ATP2B2: variants seen among roughly 807,000 people sequenced by gnomAD.
The protein encoded by ATP2B2 is ATPase plasma membrane Ca2+ transporting 2, also known as plasma membrane calcium-transporting ATPase 2.
ATP2B2 carries 15 observed loss-of-function variants against 120.0 expected under a neutral mutation model. That is an observed-to-expected ratio of 0.12 (90% CI 0.08 to 0.19). ATP2B2 has a LOEUF of 0.19. Ranked by LOEUF, ATP2B2 falls within the 10% of genes least tolerant of loss-of-function variation. The pLI is 1.00. For synonymous variants in ATP2B2, 694 were observed against 700.3 expected, an observed-to-expected ratio of 0.99 and a Z score of 0.14; for missense variants, 1,045 against 1,719.8, an observed-to-expected ratio of 0.61 and a Z score of 6.94.
At chr3:10,464,960 C>T (rs13323090) in intron 1 of ATP2B2, among the ~76,000 whole-genome samples, 19,210 of 152,278 alleles carry the variant, frequency 0.13, 2,426 homozygotes, top group African/African-American at 0.33. Context: ...CCACCTCTAC[C>T]CCAGGGATGG....
intron 13 of ATP2B2, among the ~76,000 whole-genome samples, chr3:10,359,388 T>C (rs906006677): frequency 6.6e-6 from 1 of 152,060 alleles, no homozygotes. Flanking sequence ...TGAGAACCAC[T>C]GGGGGCTAGA....
exon 1 of ATP2B2, chr3:10,707,998 CGCTGCG>C (rs977952270): frequency 3.4e-5 from 5 of 147,086 alleles, no homozygotes; most frequent in Admixed American, 6.8e-5. Context: ...GGCCCGGCCC[CGCTGCG>C]GCTGCGGCTC....
chr3:10,612,256 G>A (rs973877429), intron 2 of ATP2B2, among the ~76,000 whole-genome samples: 15 of 152,148 alleles, frequency 9.9e-5, no homozygotes, highest in African/African-American at 2.9e-4. Context: ...CTCACTAACC[G>A]TTCCCACCTT....
In ATP2B2 at chr3:10,694,643, C is replaced by A. The variant is rs55654001; in HGVS notation, c.-460+13272G>T. 4.7e-3 allele frequency among the ~76,000 whole-genome samples: 715 copies of A among 152,306 alleles called. 1 individual carries two copies. Among genetic ancestry groups the A allele is most frequent in the South Asian group, 0.017 (84 of 4,822 alleles). On this transcript the variant is annotated intron_variant, in intron 1 of 21. Coordinates refer to the ATP2B2 transcript ENST00000646379. ...CCAGCAGAGTATATGGCACCTATTTCTTCTCCATTCTCACCAATACTTGAT... is the reference window on the plus strand; with the variant it reads ...CCAGCAGAGTATATGGCACCTATTTATTCTCCATTCTCACCAATACTTGAT...
chr3:10,671,238 A>G (rs2071087441), intron 1 of ATP2B2, among the ~76,000 whole-genome samples: 1 of 152,134 alleles, frequency 6.6e-6, no homozygotes, highest in African/African-American at 2.4e-5. Context: ...AGGTGGTGGT[A>G]AAAGGGGTGG....
chr3:10,388,423 C>T, intron 5 of ATP2B2, 21 bp from the exon 6 acceptor site: 2 of 1,614,062 alleles, frequency 1.2e-6, no homozygotes, highest in South Asian at 2.2e-5. Flanking sequence ...GGACAAAAGC[C>T]AAGTTACCAT....
intron 3 of ATP2B2, among the ~76,000 whole-genome samples, chr3:10,533,026 G>T (rs1286480740): frequency 6.6e-6 from 1 of 152,194 alleles, no homozygotes; most frequent in African/African-American, 2.4e-5. Context: ...CTTGTGCAAC[G>T]TAAGTTGTGT....
At chr3:10,450,887 C>T (rs2064018874) in intron 1 of ATP2B2, among the ~76,000 whole-genome samples, 1 of 152,140 alleles carries the variant, frequency 6.6e-6, no homozygotes, top group Admixed American at 6.5e-5. Flanking sequence ...GACAAAGGGC[C>T]CCAGCTGAGC....
chr3:10,694,935 C>T lies in ATP2B2; in HGVS notation c.-460+12980G>A, dbSNP rs181368649. The stretch of plus-strand genomic sequence containing the variant: ...CTCTATGGCCCTAATTAATGGCTGG[C>T]CTGTATGCAAGCCATTTCCAGTGTG... On this transcript the variant is annotated intron_variant, in intron 1 of 21. Transcript: ENST00000646379. 5.9e-3 allele frequency among the ~76,000 whole-genome samples: 896 copies of T among 151,930 alleles called. 14 individuals carry two copies. Among genetic ancestry groups the T allele is most frequent in the African/African-American group, 0.02 (842 of 41,394 alleles).
At chr3:10,670,356 T>C (rs1043706806) in intron 1 of ATP2B2, among the ~76,000 whole-genome samples, 1 of 152,272 alleles carries the variant, frequency 6.6e-6, no homozygotes, top group African/African-American at 2.4e-5. Flanking sequence ...AAGAACAACA[T>C]TTTTTTTAAC....
intron 2 of ATP2B2, among the ~76,000 whole-genome samples, chr3:10,436,382 C>G (rs1440198253): frequency 6.6e-6 from 1 of 152,198 alleles, no homozygotes; most frequent in Non-Finnish European, 1.5e-5. Context: ...CGCCTCTCGT[C>G]CCAACTCTGT....
intron 2 of ATP2B2, among the ~76,000 whole-genome samples, chr3:10,563,144 G>GTA (rs2067939421): frequency 6.6e-6 from 1 of 152,224 alleles, no homozygotes; most frequent in African/African-American, 2.4e-5. Flanking sequence ...AGGGTTGGCT[G>GTA]TATGCCAGGC....
At chr3:10,698,414 T>A (rs2071771012) in intron 1 of ATP2B2, among the ~76,000 whole-genome samples, 1 of 152,164 alleles carries the variant, frequency 6.6e-6, no homozygotes, top group Admixed American at 6.5e-5. Flanking sequence ...CTAATCCACC[T>A]TTGATTATGT....
intron 2 of ATP2B2, among the ~76,000 whole-genome samples, chr3:10,614,027 G>A (rs1164253804): frequency 6.6e-6 from 1 of 151,908 alleles, no homozygotes; most frequent in Non-Finnish European, 1.5e-5. Flanking sequence ...AGCCTGAAAG[G>A]TCACCTCCTC....
intron 1 of ATP2B2, among the ~76,000 whole-genome samples, chr3:10,486,868 A>T (rs573026585): frequency 3.3e-5 from 5 of 151,948 alleles, no homozygotes; most frequent in East Asian, 1.9e-4. Context: ...TACAGGTGCG[A>T]GCCACCACAC....
In ATP2B2 at chr3:10,623,054, C is replaced by CTTT. The variant is rs34097914; in HGVS notation, c.-459-3096_-459-3094dup. ...GCACTCTGCCTGGCCTTGGTCAGCT[C>CTTT]TTTTTTTTTTTTTTTTTTTTTTCCC... On this transcript the variant is annotated intron_variant, in intron 1 of 21. Coordinates refer to the ATP2B2 transcript ENST00000646379. Among the ~76,000 whole-genome samples, 78 of 106,506 alleles carry CTTT rather than the reference C, an allele frequency of 7.3e-4. 2 individuals are homozygous for CTTT. The highest frequency in any genetic ancestry group is 1.0e-3 in the South Asian group (3 of 2,944). 69.9% of individuals were successfully genotyped at this position (106,506 alleles called of 152,430 possible).
At chr3:10,541,237 T>C (rs1189462893) in intron 2 of ATP2B2, among the ~76,000 whole-genome samples, 3 of 152,216 alleles carry the variant, frequency 2.0e-5, no homozygotes, top group African/African-American at 7.2e-5. Flanking sequence ...TCATTGGTTT[T>C]CTCTGTCATT....
intron 1 of ATP2B2, among the ~76,000 whole-genome samples, chr3:10,663,131 T>C (rs948441071): frequency 1.3e-5 from 2 of 149,452 alleles, no homozygotes; most frequent in African/African-American, 2.4e-5. Flanking sequence ...TTAGGAGATA[T>C]ACCTAATGTA....
chr3:10,657,911 C>T (rs905669436), intron 1 of ATP2B2, among the ~76,000 whole-genome samples: 1 of 152,236 alleles, frequency 6.6e-6, no homozygotes, highest in African/African-American at 2.4e-5. Context: ...TCCAGAGGAA[C>T]TGTCAGGCAG....
Sources: allele counts gnomAD v4.1 joint callset (sites outside exome capture counted in the v4.1 genomes callset), GRCh38; gene constraint gnomAD v4.1.1; transcripts MANE v1.5; gene names NCBI Gene and HGNC (gene_info 2026-07-23, HGNC 2026-07-21).